COL13A1: variants seen among roughly 807,000 people sequenced by gnomAD.
COL13A1 encodes collagen alpha-1(XIII) chain.
COL13A1 carries 89 observed loss-of-function variants against 130.9 expected under a neutral mutation model. The ratio of observed to expected loss-of-function variants is 0.68; its 90% CI spans 0.57 to 0.81. The LOEUF is 0.81. COL13A1 is among the 30% of genes least tolerant of loss of function. The probability of loss-of-function intolerance (pLI) is 0.00; values close to 1 mark genes in which losing one functional copy is unlikely to be tolerated. For synonymous variants in COL13A1, 402 were observed against 341.6 expected (o/e 1.18, Z -1.95); for missense variants, 879 against 934.6 (o/e 0.94, Z 0.78).
Position 69,923,962 on chromosome 10 carries a change from G to A in COL13A1, c.1284+107G>A, listed in dbSNP as rs76658649. 108 of 1,429,652 alleles carry A rather than the reference G, an allele frequency of 7.6e-5. No individual in the cohort carries two copies. In the East Asian group the frequency reaches 1.9e-3, roughly 25 times the overall value. The allele number at this position is 1,429,652 out of a possible 1,614,324, so 88.6% of individuals were successfully genotyped here. ...TATCCCTCAGGGCACAAGGCTGACCGGCCATGACCACTGGCTTCCCTAATT... is the reference window on the plus strand; with the variant it reads ...TATCCCTCAGGGCACAAGGCTGACCAGCCATGACCACTGGCTTCCCTAATT... On this transcript the variant is annotated intron_variant, in intron 24 of 40. Coordinates refer to ENST00000645393, the MANE Select transcript of COL13A1 (RefSeq NM_001368882.1).
At position 69,922,157 on chromosome 10, in the gene COL13A1, T is replaced by A. The variant is rs2064773559; in HGVS notation, c.1143+222T>A. ...CGAAATGTAAAGAATTCGGTAGTGA[T>A]GACCTGGTCAGATTTCTTGGTACCA... On this transcript the variant is annotated intron_variant, in intron 22 of 40. Transcript: ENST00000645393. 5.9e-5 allele frequency among the ~76,000 whole-genome samples: 9 copies of A among 152,096 alleles called. No homozygotes were observed. The South Asian group carries it at 1.9e-3, about 32-fold the overall frequency.
At chr10:69,902,120 G>A (rs1185418132) in intron 14 of COL13A1, among the ~76,000 whole-genome samples, 1 of 152,172 alleles carries the variant, frequency 6.6e-6, no homozygotes, top group Admixed American at 6.5e-5. Context: ...TAGGAATGTG[G>A]GCCCAGCTCA....
chr10:69,838,088 G>A (rs919153116), intron 2 of COL13A1, among the ~76,000 whole-genome samples: 3 of 152,210 alleles, frequency 2.0e-5, no homozygotes, highest in Non-Finnish European at 2.9e-5. Flanking sequence ...ACAGTGCCTT[G>A]GGCAGGGCAA....
chr10:69,930,211 G>C (rs10762323), intron 29 of COL13A1, 124 bp downstream of exon 29: 2 of 13,910 alleles, frequency 1.4e-4, no homozygotes, highest in Non-Finnish European at 2.2e-4. Context: ...AAGGGGAGAT[G>C]GGGGGGGGCA....
chr10:69,843,235 T>C (rs1160145139), intron 2 of COL13A1, among the ~76,000 whole-genome samples: 1 of 152,080 alleles, frequency 6.6e-6, no homozygotes, highest in African/African-American at 2.4e-5. Context: ...TGTGATGATG[T>C]TAAACTCTTC....
intron 6 of COL13A1, 90 bp from the exon 7 acceptor site, chr10:69,880,413 G>T: frequency 1.3e-6 from 1 of 791,732 alleles, no homozygotes; most frequent in Admixed American, 2.0e-5. Flanking sequence ...CCCCCTGCCA[G>T]CTCCTTCCCT....
intron 2 of COL13A1, among the ~76,000 whole-genome samples, chr10:69,825,539 C>G (rs1165369639): frequency 1.3e-5 from 2 of 152,182 alleles, no homozygotes; most frequent in African/African-American, 4.8e-5. Flanking sequence ...GTTTCAGACA[C>G]CTTATCCCTC....
intron 6 of COL13A1, 44 bp from the exon 7 acceptor site, chr10:69,880,459 C>A: frequency 1.8e-6 from 2 of 1,121,346 alleles, no homozygotes; most frequent in Non-Finnish European, 2.7e-6. Flanking sequence ...TTCTCCATAC[C>A]TCCCTGCCCC....
At position 69,919,096 on chromosome 10, in the gene COL13A1, T is replaced by A. The variant is rs373882459; in HGVS notation, c.1026+8T>A. On this transcript the variant is annotated splice_region_variant and intron_variant, in intron 20 of 40. Transcript: ENST00000645393. The stretch of plus-strand genomic sequence containing the variant: ...GGGATCCCAGGAACCAAGGTACTGA[T>A]GCAGAGAGAATGTTCCGGGCTGCAC... The A allele has an allele frequency of 9.4e-5, 152 of 1,613,894 alleles. No homozygotes were observed. The highest frequency in any genetic ancestry group is 1.2e-4 in the Non-Finnish European group (139 of 1,179,868).
At chr10:69,868,341 G>A (rs1391314598) in intron 3 of COL13A1, among the ~76,000 whole-genome samples, 2 of 152,158 alleles carry the variant, frequency 1.3e-5, no homozygotes, top group Non-Finnish European at 2.9e-5. Context: ...AAGAGAGAGC[G>A]GTGTCAGCCG....
chr10:69,894,496 C>T, intron 10 of COL13A1, 56 bp from the exon 11 acceptor site: 3 of 1,606,508 alleles, frequency 1.9e-6, no homozygotes, highest in Non-Finnish European at 2.6e-6. Context: ...AGGCAGGTGT[C>T]CCTGATTGCC....
intron 2 of COL13A1, among the ~76,000 whole-genome samples, chr10:69,841,787 G>C (rs1429048209): frequency 1.3e-5 from 2 of 152,194 alleles, no homozygotes; most frequent in African/African-American, 2.4e-5. Flanking sequence ...GGCAGGGAAA[G>C]TGTTCCAGGC....
chr10:69,918,300 G>C lies in COL13A1; in HGVS notation c.982G>C (p.Ala328Pro), dbSNP rs758784859. The C allele has an allele frequency of 6.2e-7, 1 of 1,612,862 alleles. No individual in the cohort carries two copies. The highest frequency in any genetic ancestry group is 8.5e-7 in the Non-Finnish European group (1 of 1,179,488). ...TCTCTGCCAGGGGGCGCCCGGAATTGCCGTGGCTGGGATGAAGGTCAGTGG... is the reference window on the plus strand; with the variant it reads ...TCTCTGCCAGGGGGCGCCCGGAATTCCCGTGGCTGGGATGAAGGTCAGTGG... ...KHGAKGAPGI[A>P]VAGMKGEPGI... Residue 328 changes from alanine (A) to proline (P), a missense_variant, in exon 19 of 41, where the codon GCC becomes CCC. By Grantham distance (27) the Ala-to-Pro change is conservative. This residue lies in a region of COL13A1 where 715 missense variants were observed against 721.0 expected (regional missense o/e 0.99). Transcript: ENST00000645393.
At chr10:69,946,516 G>A (rs2068562825) in intron 37 of COL13A1, among the ~76,000 whole-genome samples, 1 of 152,226 alleles carries the variant, frequency 6.6e-6, no homozygotes, top group Admixed American at 6.5e-5. Context: ...TGGAGGCTGT[G>A]TGTGTTGGCC....
intron 1 of COL13A1, among the ~76,000 whole-genome samples, chr10:69,817,892 A>C (rs1373451852): frequency 6.6e-6 from 1 of 152,044 alleles, no homozygotes; most frequent in African/African-American, 2.4e-5. Flanking sequence ...TAGGCTGTGG[A>C]TGGGTCATGG....
At chr10:69,878,386 G>A (rs941601529) in intron 6 of COL13A1, among the ~76,000 whole-genome samples, 1 of 152,192 alleles carries the variant, frequency 6.6e-6, no homozygotes, top group Admixed American at 6.5e-5. Flanking sequence ...GGGGACCCCC[G>A]AGGCTATGGA....
intron 12 of COL13A1, among the ~76,000 whole-genome samples, chr10:69,895,307 GC>G (rs2061530712): frequency 6.6e-6 from 1 of 152,200 alleles, no homozygotes; most frequent in South Asian, 2.1e-4. Flanking sequence ...ATAAGGCGAA[GC>G]CCCACCCCTA....
At chr10:69,805,781 G>C (rs755955143) in intron 1 of COL13A1, among the ~76,000 whole-genome samples, 4 of 152,242 alleles carry the variant, frequency 2.6e-5, no homozygotes, top group Non-Finnish European at 5.9e-5. Flanking sequence ...TCTGAGCAAA[G>C]GGCAGAGGAG....
At chr10:69,877,958 T>C in intron 5 of COL13A1, 81 bp from the exon 6 acceptor site, 1 of 690,632 alleles carries the variant, frequency 1.4e-6, no homozygotes, top group Non-Finnish European at 2.7e-6. Flanking sequence ...GATTCTCGTG[T>C]GGGTGCCTCT....
Sources: gnomAD v4.1 joint callset for allele counts (sites outside exome capture counted in the v4.1 genomes callset) on GRCh38, gnomAD v4.1.1 for gene constraint, gnomAD v4.1.1 regional missense constraint, MANE v1.5 for transcripts, NCBI Gene and HGNC (gene_info 2026-07-23, HGNC 2026-07-21) for gene names.